The following MNAT1 variants were observed in gnomAD, a reference collection of about 807,000 sequenced individuals.
MNAT1 encodes CDK-activating kinase assembly factor MAT1.
In MNAT1, 43 loss-of-function variants were observed where a neutral mutation model predicts 42.0. The ratio of observed to expected loss-of-function variants is 1.02; its 90% confidence interval spans 0.80 to 1.32. MNAT1 has a LOEUF of 1.32. Among genes scored for constraint, MNAT1 ranks in the 40% most tolerant of loss-of-function variants. The pLI is 0.00. For synonymous variants in MNAT1, 118 were observed against 120.0 expected, an observed-to-expected ratio of 0.98 and a Z score of 0.11; for missense variants, 306 against 350.4, an observed-to-expected ratio of 0.87 and a Z score of 1.01.
At chr14:60,777,437 C>T (rs549463082) in intron 1 of MNAT1, among the ~76,000 whole-genome samples, 6 of 151,014 alleles carry the variant, frequency 4.0e-5, no homozygotes, top group Non-Finnish European at 8.9e-5. Context: ...CCCCACCTCT[C>T]CCCCCCCAAA....
intron 7 of MNAT1, among the ~76,000 whole-genome samples, chr14:60,916,972 AAAAAACAAAAAT>A (rs1437964407): frequency 2.0e-5 from 3 of 152,196 alleles, no homozygotes; most frequent in South Asian, 2.1e-4. Context: ...TAAAAAAATT[AAAAAACAAAAAT>A]AAAAACAAAA....
chr14:60,837,427 C>T (rs1594790745), intron 6 of MNAT1, among the ~76,000 whole-genome samples: 1 of 152,134 alleles, frequency 6.6e-6, no homozygotes, highest in East Asian at 1.9e-4. Context: ...TGGAGGGCAC[C>T]GTTCCTCACG....
At position 60,964,532 on chromosome 14, in the gene MNAT1, G is replaced by A. The variant is rs146805414; in HGVS notation, c.810-3697G>A. On this transcript the variant is annotated intron_variant, in intron 7 of 7. Coordinates refer to ENST00000261245, the MANE Select transcript of MNAT1 (RefSeq NM_002431.4). The stretch of plus-strand genomic sequence containing the variant: ...ATAGGTACCAAAATAAGCAAACCTC[G>A]TTTTTACTTTCCTGGTTTCTGCTTA... Among the ~76,000 whole-genome samples, 33 of 152,170 alleles carry A rather than the reference G, an allele frequency of 2.2e-4. No individual in the cohort carries two copies. In the East Asian group the frequency reaches 6.0e-3, roughly 28 times the overall value.
rs113765492 is a variant in MNAT1, at chr14:60,913,515, G to A, written c.809+33680G>A. 4.8e-3 allele frequency among the ~76,000 whole-genome samples: 737 copies of A among 152,122 alleles called. 2 individuals carry two copies. The highest frequency in any genetic ancestry group is 0.028 in the East Asian group (143 of 5,170). ...TCCAGATGGGTTTTTGGTGTGGATG[G>A]CCTTTCTGTTTTTTAGTTTTCCTTC... On this transcript the variant is annotated intron_variant, in intron 7 of 7. Transcript: ENST00000261245.
intron 1 of MNAT1, among the ~76,000 whole-genome samples, chr14:60,781,974 ATTT>A (rs372647745): frequency 8.3e-6 from 1 of 120,398 alleles, no homozygotes; most frequent in Non-Finnish European, 1.7e-5. Context: ...TGTGTGTGTG[ATTT>A]TTTTTTTTTT....
At chr14:60,959,586 T>A (rs908408877) in intron 7 of MNAT1, among the ~76,000 whole-genome samples, 4 of 152,216 alleles carry the variant, frequency 2.6e-5, no homozygotes, top group Non-Finnish European at 4.4e-5. Flanking sequence ...GGGAATGGGA[T>A]GATAAAGGCA....
At chr14:60,911,820 G>C (rs1487594035) in intron 7 of MNAT1, among the ~76,000 whole-genome samples, 1 of 152,004 alleles carries the variant, frequency 6.6e-6, no homozygotes, top group Admixed American at 6.6e-5. Context: ...GGAGAGTTCT[G>C]TAGATGTGTA....
At chr14:60,786,251 CAAAAT>C (rs2031647823) in intron 1 of MNAT1, among the ~76,000 whole-genome samples, 1 of 151,754 alleles carries the variant, frequency 6.6e-6, no homozygotes, top group South Asian at 2.1e-4. Context: ...GGTAGAAAAA[CAAAAT>C]AAGAAGTGAA....
intron 7 of MNAT1, among the ~76,000 whole-genome samples, chr14:60,914,395 A>G (rs1391570478): frequency 1.3e-5 from 2 of 152,146 alleles, no homozygotes; most frequent in African/African-American, 2.4e-5. Context: ...AAATGCAGAA[A>G]TCACCTGTCT....
chr14:60,958,455 GA>G (rs1451161146), intron 7 of MNAT1, among the ~76,000 whole-genome samples: 2 of 151,702 alleles, frequency 1.3e-5, no homozygotes, highest in Non-Finnish European at 2.9e-5. Flanking sequence ...CTCTGTCTTT[GA>G]TTTTTGAAAA....
intron 5 of MNAT1, among the ~76,000 whole-genome samples, chr14:60,815,277 G>T (rs887481346): frequency 6.6e-6 from 1 of 151,320 alleles, no homozygotes; most frequent in African/African-American, 2.4e-5. Flanking sequence ...GTGCAGTGGC[G>T]TGATCTTGGC....
Position 60,953,484 on chromosome 14 carries a change from G to A in MNAT1, c.810-14745G>A, listed in dbSNP as rs138782975. On this transcript the variant is annotated intron_variant, in intron 7 of 7. Transcript: ENST00000261245. Reference sequence around the variant, plus strand: ...GAGAGGTACATACTATTAGCAGAGGGTAAAAGTGCTTTGGAAATTTGGGCT... The same window carrying A: ...GAGAGGTACATACTATTAGCAGAGGATAAAAGTGCTTTGGAAATTTGGGCT... Among the ~76,000 whole-genome samples, 292 of 152,240 alleles carry A rather than the reference G, an allele frequency of 1.9e-3. 1 individual carries two copies. Among genetic ancestry groups the A allele is most frequent in the African/African-American group, 6.4e-3 (267 of 41,556 alleles).
At chr14:60,966,936 C>T (rs2036692976) in intron 7 of MNAT1, among the ~76,000 whole-genome samples, 2 of 151,838 alleles carry the variant, frequency 1.3e-5, no homozygotes, top group Admixed American at 6.6e-5. Context: ...TAGTATTCTA[C>T]ATAAAACATA....
intron 6 of MNAT1, among the ~76,000 whole-genome samples, chr14:60,856,821 C>CTG (rs2033970602): frequency 6.6e-6 from 1 of 151,936 alleles, no homozygotes; most frequent in Non-Finnish European, 1.5e-5. Context: ...GCTGGGACTA[C>CTG]AGGCGCTCAC....
chr14:60,780,315 A>G, intron 1 of MNAT1: 4 of 1,543,416 alleles, frequency 2.6e-6, no homozygotes, highest in Admixed American at 3.3e-5. Flanking sequence ...GCAAAAGATG[A>G]CAGTGCACCC....
At chr14:60,891,216 T>G (rs1463691517) in intron 7 of MNAT1, among the ~76,000 whole-genome samples, 1 of 152,172 alleles carries the variant, frequency 6.6e-6, no homozygotes, top group Non-Finnish European at 1.5e-5. Flanking sequence ...CTAATTTAAG[T>G]CTTCTCTCGT....
intron 1 of MNAT1, among the ~76,000 whole-genome samples, chr14:60,758,598 A>C (rs954733579): frequency 2.0e-5 from 3 of 149,678 alleles, no homozygotes; most frequent in Non-Finnish European, 4.5e-5. Flanking sequence ...CCAACCCTCC[A>C]AAAAAAAACC....
rs1172766139 is a variant in MNAT1 at position 60,796,329 on chromosome 14, G to A, written c.202G>A (p.Val68Ile). 1.2e-6 allele frequency: 2 copies of A among 1,613,598 alleles called. No homozygotes were observed. Among genetic ancestry groups the A allele is most frequent in the African/African-American group, 2.7e-5 (2 of 75,010 alleles). Residue 68 changes from valine to isoleucine, a missense_variant, in exon 2 of 8, where the codon GTT (valine) becomes ATT (isoleucine). Transcript: ENST00000261245. Reference sequence around the variant, plus strand: ...GGTACAACTCTTTGAAGATCCCACTGTTGACAAGGAGGTTGAGATCAGGAA... The same window carrying A: ...GGTACAACTCTTTGAAGATCCCACTATTGACAAGGAGGTTGAGATCAGGAA... ...FRVQLFEDPT[V>I]DKEVEIRKKV...
chr14:60,911,844 G>A (rs1594863228), intron 7 of MNAT1, among the ~76,000 whole-genome samples: 1 of 151,856 alleles, frequency 6.6e-6, no homozygotes, highest in South Asian at 2.1e-4. Flanking sequence ...GGTCCGCTTG[G>A]TGCAGAGCTG....
Sources: allele counts gnomAD v4.1 joint callset (sites outside exome capture counted in the v4.1 genomes callset), GRCh38; gene constraint gnomAD v4.1.1; transcripts MANE v1.5; gene names NCBI Gene and HGNC (gene_info 2026-07-23, HGNC 2026-07-21).